The following GON4L variants were observed in gnomAD, a reference collection of about 807,000 sequenced individuals.
The protein encoded by GON4L is GON-4-like protein.
A neutral mutation model predicts 211.8 loss-of-function variants in GON4L; 87 were observed. The ratio of observed to expected loss-of-function variants is 0.41; its 90% CI spans 0.35 to 0.49. GON4L has a LOEUF of 0.49. Among genes scored for constraint, GON4L ranks in the 20% least tolerant of loss-of-function variants. The pLI is 0.15. For missense variants in GON4L, 2,155 were observed against 2,659.5 expected (o/e 0.81, Z 4.17); for synonymous variants, 875 against 962.6 (o/e 0.91, Z 1.68).
At chr1:155,849,326 C>T (rs963358886) in intron 2 of GON4L, among the ~76,000 whole-genome samples, 4 of 152,000 alleles carry the variant, frequency 2.6e-5, no homozygotes, top group South Asian at 2.1e-4. Context: ...AGGCAGATCA[C>T]GACGTTAGGA....
At chr1:155,845,346 G>A (rs967962319) in intron 2 of GON4L, 19 of 206,520 alleles carry the variant, frequency 9.2e-5, no homozygotes, top group African/African-American at 4.5e-4. Flanking sequence ...GTCACAGGGA[G>A]CCAGGCCTGG....
chr1:155,766,202 A>T lies in GON4L; in HGVS notation c.3271T>A (p.Leu1091Met). 6.2e-7 allele frequency: 1 copy of T among 1,614,154 alleles called. No individual in the cohort carries two copies. Among genetic ancestry groups the T allele is most frequent in the Non-Finnish European group, 8.5e-7 (1 of 1,180,020 alleles). The change falls in exon 21 of 32, where the codon TTG becomes ATG. Residue 1091 changes from leucine to methionine, a missense_variant. Coordinates refer to ENST00000368331, the MANE Select transcript of GON4L (RefSeq NM_001282860.2). ...TSFPLSESQT[L>M]LSSAPVPKVM... is the part of the protein sequence containing the mutation. ...TTGGGCACAGGGGCAGAAGAGAGCA[A>T]AGTCTGGGACTCAGACAGAGGGAAG...
At chr1:155,834,715 A>G (rs1206618069) in intron 2 of GON4L, among the ~76,000 whole-genome samples, 1 of 152,176 alleles carries the variant, frequency 6.6e-6, no homozygotes, top group Non-Finnish European at 1.5e-5. Context: ...ACAGTTTACA[A>G]ATGCCATGGC....
chr1:155,825,714 T>C (rs985797147), intron 3 of GON4L, among the ~76,000 whole-genome samples: 5 of 151,616 alleles, frequency 3.3e-5, no homozygotes, highest in African/African-American at 4.9e-5. Context: ...CTGGGCAATA[T>C]AGTGGGGCTC....
intron 22 of GON4L, among the ~76,000 whole-genome samples, chr1:155,763,015 G>A (rs542197361): frequency 6.4e-4 from 96 of 150,828 alleles, no homozygotes; most frequent in South Asian, 5.0e-3. Flanking sequence ...CAGCCTGGGC[G>A]ACAGAGCAAG....
chr1:155,767,236 T>A (rs1420964781), intron 20 of GON4L, 189 bp downstream of exon 20: 4 of 1,326,886 alleles, frequency 3.0e-6, no homozygotes, highest in Non-Finnish European at 4.1e-6. Context: ...ATTTTACCTA[T>A]TATTTTGAAA....
chr1:155,851,121 G>A (rs752615914), intron 2 of GON4L, among the ~76,000 whole-genome samples: 12 of 149,940 alleles, frequency 8.0e-5, no homozygotes, highest in Non-Finnish European at 1.5e-4. Flanking sequence ...TTGGGAGGAC[G>A]AGGCAGGTGG....
Position 155,766,987 on chromosome 1 carries a change from G to A in GON4L, c.2764-278C>T, listed in dbSNP as rs964753885. On this transcript the variant is annotated intron_variant, in intron 20 of 31. Coordinates refer to ENST00000368331, the MANE Select transcript of GON4L (RefSeq NM_001282860.2). ...CTTGAACCTGGGAGGCAGAGGTTGC[G>A]AGAAGCCGAGATCGCACCTTAGCCT... The A allele has an allele frequency of 3.8e-5, 21 of 550,172 alleles. 1 individual carries two copies. Among genetic ancestry groups the A allele is most frequent in the African/African-American group, 2.3e-4 (12 of 52,752 alleles). 34.1% of individuals were successfully genotyped at this position (550,172 alleles called of 1,614,324 possible).
downstream of GON4L, chr1:155,748,406 C>G: frequency 6.2e-7 from 1 of 1,610,352 alleles, no homozygotes; most frequent in Non-Finnish European, 8.5e-7. Context: ...ACAGGCCATT[C>G]TGCCCTTCCA....
chr1:155,785,402 TG>T, intron 12 of GON4L, 28 bp from the exon 13 acceptor site: 1 of 1,506,662 alleles, frequency 6.6e-7, no homozygotes, highest in African/African-American at 1.4e-5. Context: ...AGTATATTGT[TG>T]GTATAAATTA....
Position 155,777,692 on chromosome 1 carries a change from C to T in GON4L, c.2021G>A (p.Ser674Asn). The change falls in exon 15 of 32, where the codon AGT (serine) becomes AAT (asparagine). Residue 674 changes from serine to asparagine, a missense_variant. Around this residue, in one of 6 missense-constraint regions of GON4L, gnomAD observed 551 missense variants for 854.0 expected, o/e 0.65. Transcript: ENST00000368331. ...AATCAGAGTCTGATGAACTTTCTCA[C>T]TCTGGGGTTTAACCTTCTCTACTTC... ...LQEVEKVKPQ[S>N]EKVHQTLILD... The T allele has an allele frequency of 1.2e-6, 2 of 1,613,852 alleles. No homozygotes were observed. The highest frequency in any genetic ancestry group is 1.7e-6 in the Non-Finnish European group (2 of 1,179,738).
chr1:155,765,029 C>T lies in GON4L; in HGVS notation c.4444G>A (p.Glu1482Lys). Reference sequence around the variant, plus strand: ...AGTTCTGGGACAGAAAGCACAGATTCCTCAGAAGCTGATGACATTTCATCT... The same window carrying T: ...AGTTCTGGGACAGAAAGCACAGATTTCTCAGAAGCTGATGACATTTCATCT... ...EEDEMSSASE[E>K]SVLSVPELQE... is the part of the protein sequence containing the mutation. The change falls in exon 21 of 32, where the codon GAA becomes AAA. Residue 1482 changes from glutamate (E) to lysine (K), a missense_variant. Glu to Lys is a moderately conservative substitution (Grantham distance 56). Coordinates refer to ENST00000368331, the MANE Select transcript of GON4L (RefSeq NM_001282860.2). The T allele has an allele frequency of 6.2e-7, 1 of 1,614,064 alleles. No homozygotes were observed. The highest frequency in any genetic ancestry group is 8.5e-7 in the Non-Finnish European group (1 of 1,179,944).
chr1:155,830,247 C>T (rs996314948), intron 2 of GON4L, among the ~76,000 whole-genome samples: 1 of 149,368 alleles, frequency 6.7e-6, no homozygotes, highest in African/African-American at 2.5e-5. Context: ...ACGCACCCAG[C>T]CCTGCAGGGA....
chr1:155,770,862 T>TAAC (rs138545920), intron 19 of GON4L, among the ~76,000 whole-genome samples: 3 of 152,058 alleles, frequency 2.0e-5, no homozygotes, highest in Non-Finnish European at 2.9e-5. Context: ...AGAGTCTGTC[T>TAAC]AACAACAACA....
At chr1:155,745,762 C>T, downstream of GON4L, 1 of 925,266 alleles carries the variant, frequency 1.1e-6, no homozygotes. Flanking sequence ...ACGCGCCTGC[C>T]AAGCCAATCG....
At chr1:155,835,128 T>C (rs1001353628) in intron 2 of GON4L, among the ~76,000 whole-genome samples, 5 of 152,198 alleles carry the variant, frequency 3.3e-5, no homozygotes, top group Non-Finnish European at 4.4e-5. Flanking sequence ...TTTTGTTCTG[T>C]ACTAAGAAAA....
chr1:155,788,327 A>G (rs544059930), intron 12 of GON4L, among the ~76,000 whole-genome samples: 5 of 152,196 alleles, frequency 3.3e-5, no homozygotes, highest in Admixed American at 2.0e-4. Context: ...GTTACTGAGG[A>G]TGTAGAGCAA....
rs372320021 is a variant in GON4L, at chr1:155,765,082, T to G, written c.4391A>C (p.Asp1464Ala). The G allele has an allele frequency of 2.4e-5, 39 of 1,614,016 alleles. No individual in the cohort carries two copies. The highest frequency in any genetic ancestry group is 3.1e-5 in the Non-Finnish European group (36 of 1,180,026). ...CTCATCTTGGGTGAGGTCATCAAAG[T>G]CCTCTTCTTCCTCTTCTTCTGGCCC... ...KNGPEEEEEE[D>A]FDDLTQDEED... The change falls in exon 21 of 32, where the codon GAC becomes GCC. Residue 1464 changes from aspartate (D) to alanine (A), a missense_variant. Around this residue, in one of 6 missense-constraint regions of GON4L, gnomAD observed 615 missense variants for 625.7 expected, o/e 0.98. Transcript: ENST00000368331.
At chr1:155,779,172 T>C (rs550462213) in intron 14 of GON4L, among the ~76,000 whole-genome samples, 1 of 142,392 alleles carries the variant, frequency 7.0e-6, no homozygotes, top group Non-Finnish European at 1.5e-5. Flanking sequence ...GAGAATGGCG[T>C]GAACCCAGAA....
Sources: gnomAD v4.1 joint callset for allele counts (sites outside exome capture counted in the v4.1 genomes callset) on GRCh38, gnomAD v4.1.1 for gene constraint, gnomAD v4.1.1 regional missense constraint, MANE v1.5 for transcripts, NCBI Gene and HGNC (gene_info 2026-07-23, HGNC 2026-07-21) for gene names.